The following PAXIP1 variants were observed in gnomAD, a reference collection of about 807,000 sequenced individuals.
The protein encoded by PAXIP1 is PAX-interacting protein 1.
PAXIP1 carries 19 observed loss-of-function variants against 140.6 expected under a neutral mutation model. That is an observed-to-expected ratio of 0.14 (90% CI 0.09 to 0.20). The LOEUF is 0.20. PAXIP1 is among the 10% of genes least tolerant of loss of function. PAXIP1 has a pLI of 1.00. For synonymous variants in PAXIP1, 442 were observed against 444.6 expected, an observed-to-expected ratio of 0.99 and a Z score of 0.07; for missense variants, 920 against 1,208.6, an observed-to-expected ratio of 0.76 and a Z score of 3.54.
intron 7 of PAXIP1, 56 bp from the exon 8 acceptor site, chr7:154,967,966 C>T: frequency 8.4e-7 from 1 of 1,187,590 alleles, no homozygotes; most frequent in Non-Finnish European, 1.2e-6. Flanking sequence ...TATGCTTGCA[C>T]AAAAGTTAAA....
chr7:154,975,156 C>CAAAAAA (rs61595965), intron 6 of PAXIP1, among the ~76,000 whole-genome samples: 1 of 106,890 alleles, frequency 9.4e-6, no homozygotes, highest in East Asian at 2.8e-4. Context: ...GACTCCATCT[C>CAAAAAA]AAAAAAAAAA....
At position 154,946,750 on chromosome 7, in the gene PAXIP1, C is replaced by G. The variant is rs1563358065; in HGVS notation, c.2986G>C (p.Glu996Gln). The G allele has an allele frequency of 6.2e-7, 1 of 1,612,910 alleles. No individual in the cohort carries two copies. Among genetic ancestry groups the G allele is most frequent in the Non-Finnish European group, 8.5e-7 (1 of 1,179,336 alleles). ...PSLSTMKAIV[E>Q]CAGGKVLSKQ... ...GATAACACCTTTCCTCCTGCACACT[C>G]TACGATTGCCTTCATAGTGGAAAGA... Residue 996 changes from glutamate (E) to glutamine (Q), a missense_variant, in exon 18 of 21, where the codon GAG becomes CAG. Around this residue, in one of 5 missense-constraint regions of PAXIP1, gnomAD observed 303 missense variants for 517.9 expected, o/e 0.59. Transcript: ENST00000404141. This position sits in a 1 kb window ranked among gnomAD's most constrained non-coding sequence, Gnocchi z 4.9.
At position 154,963,598 on chromosome 7, in the gene PAXIP1, C is replaced by A; in HGVS notation, c.1989+73G>T. 1 of 981,104 alleles carries A rather than the reference C, an allele frequency of 1.0e-6. No homozygotes were observed. Among genetic ancestry groups the A allele is most frequent in the Non-Finnish European group, 1.6e-6 (1 of 634,066 alleles). The allele number at this position is 981,104 out of a possible 1,614,324, so 60.8% of individuals were successfully genotyped here. A position where few individuals can be genotyped will look rare whatever the true frequency, so the allele number is the denominator to read the frequency against. ...AAAAGTTCTTTCCAAAAATAATAAT[C>A]ACTAGCATTTAAGATTGCATATTAA... On this transcript the variant is annotated intron_variant, in intron 9 of 20. Coordinates refer to ENST00000404141, the MANE Select transcript of PAXIP1 (RefSeq NM_007349.4). This position sits in a 1 kb window ranked among gnomAD's most constrained non-coding sequence, Gnocchi z 4.1.
Position 154,976,221 on chromosome 7 carries a change from A to G in PAXIP1, c.549T>C (p.Pro183=), listed in dbSNP as rs1441398226. 6.2e-7 allele frequency: 1 copy of G among 1,613,772 alleles called. No homozygotes were observed. Among genetic ancestry groups the G allele is most frequent in the African/African-American group, 1.3e-5 (1 of 74,910 alleles). The change falls in exon 6 of 21, where the codon CCT becomes CCC. Residue 183 remains proline, a synonymous_variant. Coordinates refer to ENST00000404141, the MANE Select transcript of PAXIP1 (RefSeq NM_007349.4). The stretch of plus-strand genomic sequence containing the variant: ...CTTCCTCTTCATAAATAATCAGACG[A>G]GGATGATAAAATGCTTCGTCCTTTT... ...KTKKDEAFYH[P]RLIIYEEEEE...
chr7:154,955,608 G>A lies in PAXIP1; in HGVS notation c.2573C>T (p.Thr858Ile). The A allele has an allele frequency of 6.3e-7, 1 of 1,593,450 alleles. No homozygotes were observed. The change falls in exon 15 of 21, where the codon ACT (threonine) becomes ATT (isoleucine). Residue 858 changes from threonine to isoleucine, a missense_variant. This residue lies in a region of PAXIP1 where 303 missense variants were observed against 517.9 expected (regional missense o/e 0.59). Coordinates refer to ENST00000404141, the MANE Select transcript of PAXIP1 (RefSeq NM_007349.4). Reference sequence around the variant, plus strand: ...GGTCAATTCTGGAGTTAGCTTTTTAGTGGGAGGTGGTACGTCTTCAATTCT... The same window carrying A: ...GGTCAATTCTGGAGTTAGCTTTTTAATGGGAGGTGGTACGTCTTCAATTCT... ...RARIEDVPPPTKKLTPELTPF... is the reference protein window; with the variant it reads ...RARIEDVPPPIKKLTPELTPF...
chr7:154,961,490 A>C (rs2150750539), intron 11 of PAXIP1, 37 bp downstream of exon 11: 1 of 1,529,856 alleles, frequency 6.5e-7, no homozygotes, highest in Non-Finnish European at 8.9e-7. Context: ...ATTGTGTGTA[A>C]ATTTATGATT....
intron 20 of PAXIP1, chr7:154,945,619 GGAGGAGCTCCA>G: frequency 3.5e-6 from 2 of 574,792 alleles, no homozygotes; most frequent in Non-Finnish European, 4.2e-6. Flanking sequence ...CTCACAGAGA[GGAGGAGCTCCA>G]GCCTCATTGC....
In PAXIP1 at chr7:154,954,547, A is replaced by G. The variant is rs1808425119; in HGVS notation, c.2653-124T>C. ...GTTTATGACTGTAATTCTCAGCCACAGAAAACAGTGTGACAGGTAAAACAA... is the reference window on the plus strand; with the variant it reads ...GTTTATGACTGTAATTCTCAGCCACGGAAAACAGTGTGACAGGTAAAACAA... On this transcript the variant is annotated intron_variant, in intron 15 of 20. Coordinates refer to ENST00000404141, the MANE Select transcript of PAXIP1 (RefSeq NM_007349.4). This position sits in a 1 kb window ranked among gnomAD's most constrained non-coding sequence, Gnocchi z 5.1. 1 of 566,934 alleles carries G rather than the reference A, an allele frequency of 1.8e-6. No homozygotes were observed. The highest frequency in any genetic ancestry group is 9.2e-5 in the South Asian group (1 of 10,882). 35.1% of individuals were successfully genotyped at this position (566,934 alleles called of 1,614,324 possible). A position where few individuals can be genotyped will look rare whatever the true frequency, so the allele number is the denominator to read the frequency against.
intron 4 of PAXIP1, among the ~76,000 whole-genome samples, chr7:154,987,765 A>G (rs1284941740): frequency 1.3e-5 from 2 of 152,176 alleles, no homozygotes; most frequent in Non-Finnish European, 2.9e-5. Flanking sequence ...GGAGGTATAC[A>G]GTGAGTGCTG....
intron 16 of PAXIP1, chr7:154,950,425 A>G (rs1808222155): frequency 6.6e-6 from 1 of 152,234 alleles, no homozygotes; most frequent in African/African-American, 2.4e-5. Flanking sequence ...AAGAAATAAG[A>G]AGTAACCTGG....
chr7:155,003,043 AGCCCGG>A lies in PAXIP1; in HGVS notation c.-120_-115del. The A allele has an allele frequency of 3.8e-6, 1 of 261,040 alleles. No homozygotes were observed. Among genetic ancestry groups the A allele is most frequent in the Non-Finnish European group, 5.4e-6 (1 of 185,642 alleles). 16.2% of individuals were successfully genotyped at this position (261,040 alleles called of 1,614,324 possible). Reference sequence around the variant, plus strand: ...GCCCCGCCAACGGCCCTGCCCGCGCAGCCCGGGCCCGGTCCTGCGAATCGGGGTCCG... The same window carrying A: ...GCCCCGCCAACGGCCCTGCCCGCGCAGCCCGGTCCTGCGAATCGGGGTCCG... On this transcript the variant is annotated 5_prime_UTR_variant, in exon 1 of 21. Coordinates refer to ENST00000404141, the MANE Select transcript of PAXIP1 (RefSeq NM_007349.4).
chr7:154,956,262 TA>T lies in PAXIP1; in HGVS notation c.2550-632del, dbSNP rs1399912196. Among the ~76,000 whole-genome samples the T allele has an allele frequency of 9.8e-5, 15 of 152,338 alleles. No individual in the cohort carries two copies. The highest frequency in any genetic ancestry group is 3.4e-4 in the African/African-American group (14 of 41,578). On this transcript the variant is annotated intron_variant, in intron 14 of 20. Coordinates refer to ENST00000404141, the MANE Select transcript of PAXIP1 (RefSeq NM_007349.4). The surrounding 1 kb of genome is among the most constrained non-coding windows in gnomAD (Gnocchi z 4.2). ...GAGACAGTCCAATAAAAATTTATTT[TA>T]AAATGTATTTGTGGTAATTTGATGA...
chr7:154,946,350 T>C lies in PAXIP1; in HGVS notation c.3194+15A>G. The C allele has an allele frequency of 6.2e-7, 1 of 1,613,908 alleles. No homozygotes were observed. The highest frequency in any genetic ancestry group is 8.5e-7 in the Non-Finnish European group (1 of 1,179,814). The stretch of plus-strand genomic sequence containing the variant: ...CTAACCCGTCTACTTTTTAATTCTC[T>C]TTTGGAAAGGATATGATTCATAGTC... On this transcript the variant is annotated intron_variant, in intron 20 of 20. Coordinates refer to ENST00000404141, the MANE Select transcript of PAXIP1 (RefSeq NM_007349.4). The surrounding 1 kb of genome is among the most constrained non-coding windows in gnomAD (Gnocchi z 4.9).
Position 154,954,288 on chromosome 7 carries a change from G to A in PAXIP1, c.2788C>T (p.Leu930=). The A allele has an allele frequency of 6.3e-7, 1 of 1,583,344 alleles. No individual in the cohort carries two copies. The highest frequency in any genetic ancestry group is 8.6e-7 in the Non-Finnish European group (1 of 1,158,154). Reference sequence around the variant, plus strand: ...TTCTGACACCTGAAGCATTCTTCCAGCCACTCTGGCGTCACTATGTGCTTC... The same window carrying A: ...TTCTGACACCTGAAGCATTCTTCCAACCACTCTGGCGTCACTATGTGCTTC... ...VVKHIVTPEW[L]EECFRCQKFI... is the part of the protein sequence containing the mutation. The change falls in exon 16 of 21, where the codon CTG becomes TTG. Residue 930 remains leucine, a synonymous_variant. Transcript: ENST00000404141. The surrounding 1 kb of genome is among the most constrained non-coding windows in gnomAD (Gnocchi z 5.1).
At position 154,956,214 on chromosome 7, in the gene PAXIP1, T is replaced by G. The variant is rs969310512; in HGVS notation, c.2550-583A>C. ...GTTTTTTACATGAATTTTTTAGGTCTTTTTTTCAGGTTATTATTTTCTGAG... is the reference window on the plus strand; with the variant it reads ...GTTTTTTACATGAATTTTTTAGGTCGTTTTTTCAGGTTATTATTTTCTGAG... On this transcript the variant is annotated intron_variant, in intron 14 of 20. Coordinates refer to ENST00000404141, the MANE Select transcript of PAXIP1 (RefSeq NM_007349.4). This position sits in a 1 kb window ranked among gnomAD's most constrained non-coding sequence, Gnocchi z 4.2. Among the ~76,000 whole-genome samples the G allele has an allele frequency of 1.3e-5, 2 of 152,144 alleles. No individual in the cohort carries two copies. Among genetic ancestry groups the G allele is most frequent in the Admixed American group, 1.3e-4 (2 of 15,272 alleles).
At chr7:154,985,423 T>G (rs576965506) in intron 4 of PAXIP1, among the ~76,000 whole-genome samples, 1 of 152,144 alleles carries the variant, frequency 6.6e-6, no homozygotes, top group Non-Finnish European at 1.5e-5. Flanking sequence ...CTCCTGCCCA[T>G]GAGCACTGCC....
intron 5 of PAXIP1, among the ~76,000 whole-genome samples, chr7:154,976,976 C>G (rs1809610619): frequency 2.0e-5 from 3 of 152,186 alleles, no homozygotes. Context: ...CTGAATGATG[C>G]AGTAACAGAC....
chr7:154,967,095 C>T (rs1809059983), intron 8 of PAXIP1, among the ~76,000 whole-genome samples: 1 of 152,224 alleles, frequency 6.6e-6, no homozygotes, highest in South Asian at 2.1e-4. Context: ...TCACAACAGC[C>T]TGCATTTGCC....
intron 6 of PAXIP1, among the ~76,000 whole-genome samples, chr7:154,972,481 T>A (rs2150761896): frequency 6.6e-6 from 1 of 152,288 alleles, no homozygotes; most frequent in South Asian, 2.1e-4. Flanking sequence ...AGAGTGAGAC[T>A]CTGTCTCAAA....
Sources: allele counts gnomAD v4.1 joint callset (sites outside exome capture counted in the v4.1 genomes callset), GRCh38; gene constraint gnomAD v4.1.1; regional missense constraint gnomAD v4.1.1; non-coding constraint Gnocchi (gnomAD v3.1); transcripts MANE v1.5; gene names NCBI Gene and HGNC (gene_info 2026-07-23, HGNC 2026-07-21).